Variants in SLC44A5 observed in about 807,000 individuals in gnomAD.
SLC44A5 encodes the protein choline transporter-like protein 5.
SLC44A5 carries 57 observed loss-of-function variants against 101.8 expected under a neutral mutation model. The ratio of observed to expected loss-of-function variants is 0.56; its 90% CI spans 0.45 to 0.70. The LOEUF (loss-of-function observed/expected upper bound fraction) is 0.70, where lower values mean the gene tolerates loss of function less well. Ranked by LOEUF, SLC44A5 falls within the 30% of genes least tolerant of loss-of-function variation. The probability of loss-of-function intolerance (pLI) is 0.00; values close to 1 mark genes in which losing one functional copy is unlikely to be tolerated. For synonymous variants in SLC44A5, 281 were observed against 290.9 expected, an observed-to-expected ratio of 0.97 and a Z score of 0.35; for missense variants, 737 against 853.1, an observed-to-expected ratio of 0.86 and a Z score of 1.70.
At chr1:75,672,947 A>G in the SLC44A5 span, among the ~76,000 whole-genome samples, 22 of 152,168 alleles carry the variant, frequency 1.4e-4, no homozygotes, top group African/African-American at 3.9e-4. Context: ...ACTAGTCAGC[A>G]GTAGCCCAGT....
intron 1 of SLC44A5, among the ~76,000 whole-genome samples, chr1:75,600,150 A>G (rs1674888006): frequency 6.6e-6 from 1 of 152,160 alleles, no homozygotes; most frequent in African/African-American, 2.4e-5. Context: ...GATACTTAGG[A>G]TCAAGAGTAG....
At chr1:75,653,571 T>G in the SLC44A5 span, among the ~76,000 whole-genome samples, 1 of 152,174 alleles carries the variant, frequency 6.6e-6, no homozygotes, top group Non-Finnish European at 1.5e-5. Context: ...TATAATTTTT[T>G]TAAGCTAAAG....
intron 2 of SLC44A5, among the ~76,000 whole-genome samples, chr1:75,441,160 G>A (rs1415327404): frequency 6.6e-6 from 1 of 152,092 alleles, no homozygotes; most frequent in East Asian, 1.9e-4. Flanking sequence ...AAGGATAACT[G>A]GAACAATAGA....
chr1:75,598,438 G>T lies in SLC44A5; in HGVS notation c.-70+12602C>A, dbSNP rs140351473. On this transcript the variant is annotated intron_variant, in intron 1 of 23. Transcript: ENST00000370859. ...CCCATTACTGGGTATAAACCCAAAG[G>T]AATATAAATTGTTCTATTATAAAGA... 3.9e-3 allele frequency among the ~76,000 whole-genome samples: 600 copies of T among 152,218 alleles called. 6 individuals are homozygous for T. Among genetic ancestry groups the T allele is most frequent in the African/African-American group, 0.014 (570 of 41,542 alleles).
At chr1:75,708,292 T>C in the SLC44A5 span, among the ~76,000 whole-genome samples, 1 of 150,848 alleles carries the variant, frequency 6.6e-6, no homozygotes, top group Non-Finnish European at 1.5e-5. Context: ...CATGCGCCTG[T>C]TATCCCAGCT....
At chr1:75,470,572 C>T (rs928530099) in intron 2 of SLC44A5, among the ~76,000 whole-genome samples, 46 of 152,056 alleles carry the variant, frequency 3.0e-4, no homozygotes, top group African/African-American at 1.1e-3. Flanking sequence ...GCAGGAGGGG[C>T]CATAACCCAG....
At chr1:75,413,444 T>G (rs769363260) in intron 2 of SLC44A5, among the ~76,000 whole-genome samples, 5 of 152,208 alleles carry the variant, frequency 3.3e-5, no homozygotes, top group Non-Finnish European at 7.3e-5. Flanking sequence ...CTTTTGCTAG[T>G]ATCCTTGTTA....
intron 14 of SLC44A5, among the ~76,000 whole-genome samples, chr1:75,220,782 T>C (rs1230434120): frequency 6.6e-6 from 1 of 152,188 alleles, no homozygotes; most frequent in Non-Finnish European, 1.5e-5. Flanking sequence ...TCACTCCTAA[T>C]GCATTGATGC....
At chr1:75,475,822 T>C (rs1667357669) in intron 2 of SLC44A5, among the ~76,000 whole-genome samples, 1 of 152,204 alleles carries the variant, frequency 6.6e-6, no homozygotes, top group Admixed American at 6.5e-5. Context: ...ACTAATTATG[T>C]GATGGTGGTG....
chr1:75,253,340 C>A (rs1405425752), intron 6 of SLC44A5, among the ~76,000 whole-genome samples: 1 of 151,616 alleles, frequency 6.6e-6, no homozygotes, highest in African/African-American at 2.4e-5. Context: ...CTACATTGAA[C>A]TTTTAACAAC....
At chr1:75,466,656 A>T (rs1237994391) in intron 2 of SLC44A5, among the ~76,000 whole-genome samples, 1 of 88,744 alleles carries the variant, frequency 1.1e-5, no homozygotes, top group African/African-American at 7.7e-5. Flanking sequence ...ATGCCATCTT[A>T]AAAAAAAAAA....
At chr1:75,353,736 C>T (rs934980266) in intron 3 of SLC44A5, among the ~76,000 whole-genome samples, 33 of 152,134 alleles carry the variant, frequency 2.2e-4, no homozygotes, top group African/African-American at 7.5e-4. Context: ...AACAGCCAGC[C>T]GGATTTCCAA....
intron 3 of SLC44A5, among the ~76,000 whole-genome samples, chr1:75,364,289 A>G (rs765534599): frequency 2.0e-5 from 3 of 152,176 alleles, no homozygotes; most frequent in African/African-American, 4.8e-5. Flanking sequence ...TGCTGCTGGC[A>G]TCTGCTCAGC....
chr1:75,673,487 G>A, the SLC44A5 span, among the ~76,000 whole-genome samples: 39,092 of 151,880 alleles, frequency 0.26, 5,349 homozygotes, highest in Middle Eastern at 0.37. Flanking sequence ...GGGAAGGGGG[G>A]AGCTCACTGC....
At chr1:75,477,629 A>G (rs1667515531) in intron 2 of SLC44A5, among the ~76,000 whole-genome samples, 1 of 152,248 alleles carries the variant, frequency 6.6e-6, no homozygotes, top group African/African-American at 2.4e-5. Context: ...AGCCGATGTG[A>G]TCAACTGGAA....
intron 2 of SLC44A5, among the ~76,000 whole-genome samples, chr1:75,527,671 T>C (rs559542704): frequency 2.0e-5 from 3 of 152,100 alleles, no homozygotes; most frequent in African/African-American, 4.8e-5. Flanking sequence ...TCATTTTAAA[T>C]TGATTTCTCT....
At chr1:75,261,262 A>G (rs1650479445) in intron 6 of SLC44A5, among the ~76,000 whole-genome samples, 1 of 151,842 alleles carries the variant, frequency 6.6e-6, no homozygotes, top group Non-Finnish European at 1.5e-5. Context: ...TGAACAAAAT[A>G]GTCAGCTAGC....
chr1:75,325,646 G>C (rs1656525645), intron 4 of SLC44A5, among the ~76,000 whole-genome samples: 1 of 152,030 alleles, frequency 6.6e-6, no homozygotes, highest in South Asian at 2.1e-4. Context: ...AGTTACTGTT[G>C]TTAACCTCTT....
chr1:75,580,753 A>C (rs1285352237), intron 1 of SLC44A5, among the ~76,000 whole-genome samples: 2 of 151,572 alleles, frequency 1.3e-5, no homozygotes, highest in African/African-American at 4.8e-5. Flanking sequence ...CAGGAGAATC[A>C]GTAGAACCTG....
Sources: allele counts gnomAD v4.1 joint callset (sites outside exome capture counted in the v4.1 genomes callset), GRCh38; gene constraint gnomAD v4.1.1; transcripts MANE v1.5; gene names NCBI Gene and HGNC (gene_info 2026-07-23, HGNC 2026-07-21).